The following SLC7A1 variants were observed in gnomAD, a reference collection of about 807,000 sequenced individuals.
The protein encoded by SLC7A1 is solute carrier family 7 member 1.
In SLC7A1, 10 loss-of-function variants were observed where a neutral mutation model predicts 53.9. The ratio of observed to expected loss-of-function variants is 0.19; its 90% CI spans 0.11 to 0.31. The LOEUF (loss-of-function observed/expected upper bound fraction) is 0.31, where lower values mean the gene tolerates loss of function less well. SLC7A1 is among the 10% of genes least tolerant of loss of function. The pLI is 1.00. For missense variants in SLC7A1, 525 were observed against 827.2 expected, an observed-to-expected ratio of 0.63 and a Z score of 4.48; for synonymous variants, 342 against 338.7, an observed-to-expected ratio of 1.01 and a Z score of -0.11.
At chr13:29,589,400 T>C (rs954670987) in intron 1 of SLC7A1, among the ~76,000 whole-genome samples, 2 of 152,194 alleles carry the variant, frequency 1.3e-5, no homozygotes, top group African/African-American at 4.8e-5. Flanking sequence ...GCAGGAGGCA[T>C]TGCATCCAGC....
chr13:29,555,670 A>G (rs920012818), intron 1 of SLC7A1, among the ~76,000 whole-genome samples: 1 of 150,702 alleles, frequency 6.6e-6, no homozygotes, highest in Non-Finnish European at 1.5e-5. Flanking sequence ...GGAAAAAAAA[A>G]GGGGGGGCGG....
At chr13:29,570,101 C>A (rs1871132366) in intron 1 of SLC7A1, among the ~76,000 whole-genome samples, 1 of 152,214 alleles carries the variant, frequency 6.6e-6, no homozygotes, top group Admixed American at 6.5e-5. Flanking sequence ...TACCTAGCAG[C>A]TCCCCACCTG....
intron 8 of SLC7A1, 32 bp downstream of exon 8, chr13:29,522,285 C>T: frequency 6.2e-7 from 1 of 1,612,962 alleles, no homozygotes; most frequent in Non-Finnish European, 8.5e-7. Context: ...ATTGTTAAAA[C>T]ATTTCCATGT....
chr13:29,517,279 G>C lies in SLC7A1; in HGVS notation c.1542C>G (p.Thr514=), dbSNP rs749036397. ...TGGTGAGAGCCTCCCTTCCAAGCAC[G>C]GTCACAATGCAGAAGGTGATGATGA... The part of the protein sequence containing the change: ...AVLIITFCIV[T]VLGREALTKG... Residue 514 remains threonine (T), a synonymous_variant, in exon 11 of 13, where the codon ACC becomes ACG. Coordinates refer to ENST00000380752, the MANE Select transcript of SLC7A1 (RefSeq NM_003045.5). 1 of 1,613,176 alleles carries C rather than the reference G, an allele frequency of 6.2e-7. No individual in the cohort carries two copies. The highest frequency in any genetic ancestry group is 8.5e-7 in the Non-Finnish European group (1 of 1,179,640).
chr13:29,568,154 G>C, intron 1 of SLC7A1, among the ~76,000 whole-genome samples: 1 of 152,170 alleles, frequency 6.6e-6, no homozygotes, highest in Non-Finnish European at 1.5e-5. Flanking sequence ...CATCTAAAAC[G>C]TGGGATAATC....
chr13:29,588,935 T>C (rs1373982129), intron 1 of SLC7A1, among the ~76,000 whole-genome samples: 1 of 152,170 alleles, frequency 6.6e-6, no homozygotes, highest in Non-Finnish European at 1.5e-5. Context: ...CCAGGGGCCT[T>C]CACTGGGTCC....
intron 1 of SLC7A1, among the ~76,000 whole-genome samples, chr13:29,577,658 C>A (rs1871464661): frequency 6.6e-6 from 1 of 152,214 alleles, no homozygotes; most frequent in African/African-American, 2.4e-5. Flanking sequence ...GCCTCTTGGC[C>A]ACCAAGTTGT....
intron 6 of SLC7A1, 102 bp downstream of exon 6, chr13:29,524,030 G>T: frequency 1.7e-6 from 2 of 1,157,192 alleles, no homozygotes; most frequent in South Asian, 1.4e-5. Context: ...ATGTGTGAAA[G>T]AGCGGCGACT....
rs615487 is a variant in SLC7A1 at position 29,561,814 on chromosome 13, G to A, written c.-114-7954C>T. On this transcript the variant is annotated intron_variant, in intron 1 of 12. Transcript: ENST00000380752. ...CCTTTTGTGATGGGCCCCACACATG[G>A]CACCACCGGACTGCATCAATGGCTG... Among the ~76,000 whole-genome samples the A allele has an allele frequency of 3.5e-3, 534 of 152,222 alleles. 4 individuals are homozygous for A. The highest frequency in any genetic ancestry group is 0.012 in the African/African-American group (501 of 41,540).
chr13:29,534,729 A>C (rs953969715), intron 3 of SLC7A1, among the ~76,000 whole-genome samples: 1 of 152,156 alleles, frequency 6.6e-6, no homozygotes, highest in Non-Finnish European at 1.5e-5. Flanking sequence ...GGGAGCTGAC[A>C]CAGAAGCAAG....
intron 5 of SLC7A1, 38 bp from the exon 6 acceptor site, chr13:29,524,291 G>T: frequency 6.2e-7 from 1 of 1,613,208 alleles, no homozygotes; most frequent in Non-Finnish European, 8.5e-7. Flanking sequence ...CACGTCACTC[G>T]CTGCGCAGTC....
intron 2 of SLC7A1, among the ~76,000 whole-genome samples, chr13:29,547,106 C>T (rs1335969526): frequency 1.3e-5 from 2 of 152,196 alleles, no homozygotes; most frequent in African/African-American, 4.8e-5. Context: ...GCTCATTCTC[C>T]CTGCTGCCTG....
chr13:29,561,643 A>G (rs1870762027), intron 1 of SLC7A1, among the ~76,000 whole-genome samples: 1 of 152,200 alleles, frequency 6.6e-6, no homozygotes, highest in African/African-American at 2.4e-5. Context: ...TTTTCTGTTC[A>G]AGGAGAGTGA....
At chr13:29,588,841 A>G (rs1470302765) in intron 1 of SLC7A1, among the ~76,000 whole-genome samples, 9 of 152,224 alleles carry the variant, frequency 5.9e-5, no homozygotes, top group Admixed American at 6.5e-5. Context: ...TGTTATCCAA[A>G]AACTGCTGAA....
At chr13:29,572,398 G>C (rs74042340) in intron 1 of SLC7A1, among the ~76,000 whole-genome samples, 3,465 of 152,306 alleles carry the variant, frequency 0.023, 114 homozygotes, top group African/African-American at 0.079. Context: ...TAACAGGGGA[G>C]AAAAAGTACA....
At position 29,514,371 on chromosome 13, in the gene SLC7A1, T is replaced by A. The variant is rs1883490004; in HGVS notation, c.*109A>T. 6 of 719,862 alleles carry A rather than the reference T, an allele frequency of 8.3e-6. 1 individual carries two copies. In the South Asian group the frequency reaches 9.9e-5, roughly 12 times the overall value. The allele number at this position is 719,862 out of a possible 1,614,324, so 44.6% of individuals were successfully genotyped here. Reference sequence around the variant, plus strand: ...ATTGCACCTTTGGCTGCAGTGAGGGTGTGGACGCAGGTGGTTTCTGTTGCA... The same window carrying A: ...ATTGCACCTTTGGCTGCAGTGAGGGAGTGGACGCAGGTGGTTTCTGTTGCA... On this transcript the variant is annotated 3_prime_UTR_variant, in exon 13 of 13. Coordinates refer to ENST00000380752, the MANE Select transcript of SLC7A1 (RefSeq NM_003045.5).
chr13:29,518,666 G>A (rs1466799990), intron 9 of SLC7A1, among the ~76,000 whole-genome samples: 2 of 152,132 alleles, frequency 1.3e-5, no homozygotes, highest in African/African-American at 2.4e-5. Context: ...CTAAGGCTCA[G>A]CCCGGGTTTT....
intron 1 of SLC7A1, among the ~76,000 whole-genome samples, chr13:29,579,538 T>G (rs993250218): frequency 6.6e-6 from 1 of 152,160 alleles, no homozygotes; most frequent in East Asian, 1.9e-4. Context: ...TTTTTTTATA[T>G]TTTTATTAGA....
chr13:29,533,044 T>C, intron 3 of SLC7A1, 62 bp from the exon 4 acceptor site: 5 of 1,489,630 alleles, frequency 3.4e-6, no homozygotes, highest in East Asian at 2.4e-5. Flanking sequence ...GTATTTGTAG[T>C]GGAGCTCCAT....
Sources: gnomAD v4.1 joint callset for allele counts (sites outside exome capture counted in the v4.1 genomes callset) on GRCh38, gnomAD v4.1.1 for gene constraint, MANE v1.5 for transcripts, NCBI Gene and HGNC (gene_info 2026-07-23, HGNC 2026-07-21) for gene names.